TSPAN7: variants seen among roughly 807,000 people sequenced by gnomAD.
TSPAN7 encodes the protein tetraspanin-7.
In TSPAN7, 1 loss-of-function variant was observed where a neutral mutation model predicts 17.6. That is an observed-to-expected ratio of 0.06 (90% CI 0.02 to 0.27). TSPAN7 has a LOEUF of 0.27. Among genes scored for constraint, TSPAN7 ranks in the 10% least tolerant of loss-of-function variants. The probability of loss-of-function intolerance (pLI) is 1.00; values close to 1 mark genes in which losing one functional copy is unlikely to be tolerated. For synonymous variants in TSPAN7, 78 were observed against 79.0 expected, an observed-to-expected ratio of 0.99 and a Z score of 0.07; for missense variants, 112 against 201.7, an observed-to-expected ratio of 0.56 and a Z score of 2.69.
chrX:38,574,567 G>A (rs2069184379), intron 1 of TSPAN7, among the ~76,000 whole-genome samples: 1 of 111,434 alleles, frequency 9.0e-6, no homozygotes, highest in African/African-American at 3.3e-5. Context: ...CATAAAATGA[G>A]ATCTGAACAG....
chrX:38,583,676 T>C (rs1467141019), intron 1 of TSPAN7, among the ~76,000 whole-genome samples: 2 of 111,228 alleles, frequency 1.8e-5, no homozygotes, highest in African/African-American at 6.5e-5. Flanking sequence ...CTCTGAGGAG[T>C]TGACATTTGA....
chrX:38,650,441 A>G (rs1047774238), intron 1 of TSPAN7, among the ~76,000 whole-genome samples: 1 of 110,747 alleles, frequency 9.0e-6, no homozygotes, highest in Non-Finnish European at 1.9e-5. Flanking sequence ...AGTCACTCAC[A>G]GTGTGTGCCA....
At chrX:38,599,967 C>T (rs1306890472) in intron 1 of TSPAN7, among the ~76,000 whole-genome samples, 1 of 111,809 alleles carries the variant, frequency 8.9e-6, no homozygotes, top group African/African-American at 3.2e-5. Flanking sequence ...AGACAATGTG[C>T]ATTTATTTTG....
At chrX:38,626,135 C>T (rs1325621858) in intron 1 of TSPAN7, among the ~76,000 whole-genome samples, 1 of 111,709 alleles carries the variant, frequency 9.0e-6, no homozygotes, top group East Asian at 2.8e-4. Flanking sequence ...GAAGTGAGAG[C>T]TGGAAAAATG....
intron 1 of TSPAN7, among the ~76,000 whole-genome samples, chrX:38,641,523 C>T (rs925192769): frequency 9.0e-6 from 1 of 111,497 alleles, no homozygotes; most frequent in Non-Finnish European, 1.9e-5. Context: ...TCTGGTATAC[C>T]CTAAAACTGA....
chrX:38,643,316 C>CA (rs755183799), intron 1 of TSPAN7, among the ~76,000 whole-genome samples: 2 of 108,334 alleles, frequency 1.8e-5, no homozygotes, highest in Non-Finnish European at 3.8e-5. Context: ...GTAAATAAAG[C>CA]AAAAAAAGCC....
At chrX:38,643,776 C>T (rs936043566) in intron 1 of TSPAN7, among the ~76,000 whole-genome samples, 12 of 110,436 alleles carry the variant, frequency 1.1e-4, no homozygotes, top group African/African-American at 3.3e-4. Flanking sequence ...ACCCAGGAGG[C>T]GGAACTTGCA....
chrX:38,574,410 T>A (rs1028776944), intron 1 of TSPAN7, among the ~76,000 whole-genome samples: 7 of 112,074 alleles, frequency 6.2e-5, no homozygotes, highest in Non-Finnish European at 1.1e-4. Context: ...CAATAATTAA[T>A]TTCTTTTTAT....
At chrX:38,576,068 A>G (rs1247230712) in intron 1 of TSPAN7, among the ~76,000 whole-genome samples, 1 of 112,074 alleles carries the variant, frequency 8.9e-6, no homozygotes, top group Non-Finnish European at 1.9e-5. Context: ...TGTTGCAACT[A>G]GTCACCTTTG....
intron 1 of TSPAN7, among the ~76,000 whole-genome samples, chrX:38,561,918 T>C (rs923281551): frequency 6.2e-5 from 7 of 112,055 alleles, no homozygotes; most frequent in Non-Finnish European, 1.1e-4. Context: ...GTTTCTTTTA[T>C]AATCTCCCGG....
At chrX:38,571,199 T>C (rs922124503) in intron 1 of TSPAN7, among the ~76,000 whole-genome samples, 2 of 111,094 alleles carry the variant, frequency 1.8e-5, no homozygotes, top group Non-Finnish European at 3.8e-5. Flanking sequence ...TGCCTTATAC[T>C]AGAGGATGAT....
chrX:38,575,847 C>T (rs999059713), intron 1 of TSPAN7, among the ~76,000 whole-genome samples: 5 of 111,695 alleles, frequency 4.5e-5, no homozygotes, highest in Non-Finnish European at 9.4e-5. Flanking sequence ...TTCCTTCATT[C>T]AGAAAGCTTT....
At chrX:38,679,720 C>A (rs867207793) in intron 5 of TSPAN7, among the ~76,000 whole-genome samples, 106 of 79,404 alleles carry the variant, frequency 1.3e-3, no homozygotes, top group Middle Eastern at 7.9e-3. Flanking sequence ...GACTCTGTCT[C>A]AAAAAAAAAA....
chrX:38,687,740 T>A (rs1404379351), intron 7 of TSPAN7, 66 bp downstream of exon 7: 2 of 930,576 alleles, frequency 2.1e-6, no homozygotes, highest in Non-Finnish European at 3.0e-6. Flanking sequence ...ACCCTTCAAA[T>A]GTGCAGGAGT....
At chrX:38,571,084 A>G (rs1261816682) in intron 1 of TSPAN7, 1 of 111,968 alleles carries the variant, frequency 8.9e-6, no homozygotes, top group African/African-American at 3.2e-5. Context: ...AGCATTTAAA[A>G]TAGTTTAAAC....
At chrX:38,655,427 A>T (rs2069697695) in intron 1 of TSPAN7, among the ~76,000 whole-genome samples, 1 of 111,426 alleles carries the variant, frequency 9.0e-6, no homozygotes, top group African/African-American at 3.3e-5. Context: ...ATATATATAT[A>T]TGCAGTGTGG....
At chrX:38,683,806 A>G (rs1334723114) in intron 6 of TSPAN7, among the ~76,000 whole-genome samples, 1 of 113,223 alleles carries the variant, frequency 8.8e-6, no homozygotes, top group Non-Finnish European at 1.9e-5. Flanking sequence ...AACCAGCCCT[A>G]CTGATTCTGG....
intron 5 of TSPAN7, among the ~76,000 whole-genome samples, chrX:38,678,750 T>C (rs1378454584): frequency 8.9e-6 from 1 of 112,619 alleles, no homozygotes; most frequent in Non-Finnish European, 1.9e-5. Flanking sequence ...ATTAATCCTA[T>C]TACTGATATG....
chrX:38,621,426 A>G (rs1026204827), intron 1 of TSPAN7, among the ~76,000 whole-genome samples: 4 of 112,237 alleles, frequency 3.6e-5, no homozygotes, highest in African/African-American at 1.3e-4. Context: ...GCTATATGAG[A>G]AGAGTGGCAG....
Sources: allele counts gnomAD v4.1 joint callset (sites outside exome capture counted in the v4.1 genomes callset), GRCh38; gene constraint gnomAD v4.1.1; transcripts MANE v1.5; gene names NCBI Gene and HGNC (gene_info 2026-07-23, HGNC 2026-07-21).